Variants in ARHGAP22 observed in about 807,000 individuals in gnomAD.
ARHGAP22 encodes the protein Rho GTPase activating protein 22, also known as rho GTPase-activating protein 22.
Under a neutral mutation model 59.1 loss-of-function variants are expected in ARHGAP22, and 48 were observed. The ratio of observed to expected loss-of-function variants is 0.81; its 90% CI spans 0.64 to 1.03. The LOEUF (loss-of-function observed/expected upper bound fraction) is 1.03, where lower values mean the gene tolerates loss of function less well. ARHGAP22 is among the 50% of genes least tolerant of loss of function. The pLI, the probability that ARHGAP22 is intolerant of heterozygous loss-of-function variation, is 0.00. For missense variants in ARHGAP22, 1,015 were observed against 958.7 expected (o/e 1.06, Z -0.78); for synonymous variants, 445 against 416.4 (o/e 1.07, Z -0.84).
chr10:48,500,627 C>T (rs2051411395), intron 3 of ARHGAP22, among the ~76,000 whole-genome samples: 1 of 152,140 alleles, frequency 6.6e-6, no homozygotes, highest in African/African-American at 2.4e-5. Context: ...GTAGTTCACA[C>T]CTGTAATCCC....
upstream of ARHGAP22, chr10:48,655,482 C>G (rs2062785089): frequency 6.5e-6 from 1 of 152,716 alleles, no homozygotes. Flanking sequence ...AGTCCCTCAC[C>G]CCAGCCCTCG....
At chr10:48,592,590 T>C (rs2059826960) in intron 1 of ARHGAP22, among the ~76,000 whole-genome samples, 1 of 152,144 alleles carries the variant, frequency 6.6e-6, no homozygotes, top group South Asian at 2.1e-4. Context: ...CAGTGCTGAG[T>C]GTGCAGGGCT....
At chr10:48,435,875 TCTA>T in the ARHGAP22 span, 1 of 152,262 alleles carries the variant, frequency 6.6e-6, no homozygotes, top group Admixed American at 6.5e-5. Context: ...ATGGTTCACT[TCTA>T]CTAGCTATGA....
At chr10:48,490,103 CA>C (rs1386175479) in intron 3 of ARHGAP22, among the ~76,000 whole-genome samples, 1 of 152,112 alleles carries the variant, frequency 6.6e-6, no homozygotes, top group Non-Finnish European at 1.5e-5. Flanking sequence ...CAATGTGGAG[CA>C]CAGTGACTTA....
chr10:48,640,167 C>T (rs929250533), intron 1 of ARHGAP22, among the ~76,000 whole-genome samples: 2 of 151,928 alleles, frequency 1.3e-5, no homozygotes, highest in South Asian at 2.1e-4. Flanking sequence ...AATTAGCGAA[C>T]CTGAAGAACA....
intron 1 of ARHGAP22, among the ~76,000 whole-genome samples, chr10:48,637,187 C>T (rs2061853103): frequency 6.6e-6 from 1 of 152,174 alleles, no homozygotes; most frequent in South Asian, 2.1e-4. Flanking sequence ...TCTGAAGCTG[C>T]AGATGGAGAC....
chr10:48,476,567 C>T (rs759219788), intron 4 of ARHGAP22, among the ~76,000 whole-genome samples: 15 of 152,230 alleles, frequency 9.9e-5, no homozygotes, highest in Admixed American at 1.3e-4. Context: ...TGCCCAGACA[C>T]GTCTGGCATC....
chr10:48,573,028 T>C (rs933779376), intron 2 of ARHGAP22, among the ~76,000 whole-genome samples: 3 of 152,184 alleles, frequency 2.0e-5, no homozygotes, highest in African/African-American at 7.2e-5. Flanking sequence ...AGCAAGTTAA[T>C]ACATGCAAAA....
intron 3 of ARHGAP22, among the ~76,000 whole-genome samples, chr10:48,496,148 G>GA (rs2050903568): frequency 6.6e-6 from 1 of 152,158 alleles, no homozygotes; most frequent in African/African-American, 2.4e-5. Context: ...CACTAGGCTT[G>GA]GGGGGTAATC....
intron 3 of ARHGAP22, among the ~76,000 whole-genome samples, chr10:48,481,021 G>A (rs985750894): frequency 3.3e-5 from 5 of 152,258 alleles, no homozygotes; most frequent in Admixed American, 2.6e-4. Context: ...GGGGCCCAAC[G>A]CTCAGGAGGG....
At chr10:48,451,265 C>A in intron 8 of ARHGAP22, 125 bp from the exon 9 acceptor site, 1 of 1,323,938 alleles carries the variant, frequency 7.6e-7, no homozygotes, top group Non-Finnish European at 1.1e-6. Flanking sequence ...GGCCGCCCCT[C>A]AAGGGAGCCT....
the ARHGAP22 span, chr10:48,435,328 C>T: frequency 3.9e-6 from 1 of 258,246 alleles, no homozygotes; most frequent in Non-Finnish European, 7.2e-6. Flanking sequence ...TCTTATGCTG[C>T]TGATTTTTTT....
At chr10:48,656,265 TGGGGGGGGGGGGG>T (rs1270414564), upstream of ARHGAP22, 6 of 101,666 alleles carry the variant, frequency 5.9e-5, no homozygotes, top group East Asian at 3.0e-4. Flanking sequence ...TCGGCGCCTC[TGGGGGGGGGGGGG>T]CGGGGGGGGG....
chr10:48,599,274 C>A (rs1322675835), intron 1 of ARHGAP22, among the ~76,000 whole-genome samples: 3 of 152,130 alleles, frequency 2.0e-5, no homozygotes, highest in Admixed American at 6.5e-5. Context: ...ACAAAAGTGA[C>A]CCTGGGGCAC....
At chr10:48,647,637 A>C (rs2062365220) in intron 1 of ARHGAP22, among the ~76,000 whole-genome samples, 1 of 152,260 alleles carries the variant, frequency 6.6e-6, no homozygotes. Flanking sequence ...CAGAGATTTC[A>C]GAAAACATTT....
chr10:48,562,431 G>T (rs777127450), intron 2 of ARHGAP22, among the ~76,000 whole-genome samples: 1 of 152,080 alleles, frequency 6.6e-6, no homozygotes, highest in Non-Finnish European at 1.5e-5. Context: ...TGAGGTACCT[G>T]CATACAGTGC....
intron 6 of ARHGAP22, 76 bp from the exon 7 acceptor site, chr10:48,454,237 G>C: frequency 7.6e-7 from 1 of 1,314,582 alleles, no homozygotes; most frequent in Non-Finnish European, 1.1e-6. Context: ...GGAGGGGTGG[G>C]CAAAGAGAAG....
At chr10:48,452,065 C>T (rs757980250) in intron 8 of ARHGAP22, among the ~76,000 whole-genome samples, 2 of 152,144 alleles carry the variant, frequency 1.3e-5, no homozygotes, top group African/African-American at 4.8e-5. Context: ...ATCCCACATA[C>T]ATATAATCTC....
chr10:48,595,390 A>G (rs2060008303), intron 1 of ARHGAP22, among the ~76,000 whole-genome samples: 1 of 152,234 alleles, frequency 6.6e-6, no homozygotes, highest in Non-Finnish European at 1.5e-5. Flanking sequence ...ATTTGCTGCC[A>G]AGGGCAAAGG....
Sources: gnomAD v4.1 joint callset for allele counts (sites outside exome capture counted in the v4.1 genomes callset) on GRCh38, gnomAD v4.1.1 for gene constraint, MANE v1.5 for transcripts, NCBI Gene and HGNC (gene_info 2026-07-23, HGNC 2026-07-21) for gene names.